The following GTF2B variants were observed in gnomAD, a reference collection of about 807,000 sequenced individuals.
GTF2B encodes the protein general transcription factor IIB, also known as transcription initiation factor IIB.
Under a neutral mutation model 34.6 loss-of-function variants are expected in GTF2B, and 20 were observed. The observed-to-expected ratio is 0.58, with a 90% CI of 0.41 to 0.84. The LOEUF (loss-of-function observed/expected upper bound fraction) is 0.84, where lower values mean the gene tolerates loss of function less well. GTF2B is among the 40% of genes least tolerant of loss of function. The pLI, the probability that GTF2B is intolerant of heterozygous loss-of-function variation, is 0.00. For missense variants in GTF2B, 237 were observed against 393.3 expected (o/e 0.60, Z 3.36); for synonymous variants, 142 against 132.4 (o/e 1.07, Z -0.50).
chr1:88,873,335 G>A (rs543333041), intron 2 of GTF2B, among the ~76,000 whole-genome samples: 24 of 151,816 alleles, frequency 1.6e-4, no homozygotes, highest in East Asian at 9.7e-4. Flanking sequence ...GATAACAGGC[G>A]CGCACCACCA....
In GTF2B at chr1:88,890,111, C is replaced by T. The variant is rs561565440; in HGVS notation, c.17+1372G>A. 8.0e-5 allele frequency among the ~76,000 whole-genome samples: 12 copies of T among 149,998 alleles called. No individual in the cohort carries two copies. In the East Asian group the frequency reaches 1.4e-3, roughly 17 times the overall value. On this transcript the variant is annotated intron_variant, in intron 1 of 6. Transcript: ENST00000370500. ...AATAACTGCTATGATACATAAATTG[C>T]ACATATCTAGAAAAAAATTTCAGAC...
intron 2 of GTF2B, among the ~76,000 whole-genome samples, chr1:88,868,475 TA>T (rs2100969779): frequency 1.3e-5 from 2 of 152,096 alleles, no homozygotes; most frequent in Non-Finnish European, 2.9e-5. Flanking sequence ...TCCAAAAGAG[TA>T]AACGCACCCA....
chr1:88,853,346 T>C lies in GTF2B; in HGVS notation c.818A>G (p.Glu273Gly). Residue 273 changes from glutamate to glycine, a missense_variant and splice_region_variant, in exon 7 of 7, where the codon GAA becomes GGA. Physicochemically the swap from Glu to Gly is moderately conservative, Grantham distance 98 (BLOSUM62 -2). This residue lies in a region of GTF2B where 78 missense variants were observed against 116.6 expected (regional missense o/e 0.67). Coordinates refer to ENST00000370500, the MANE Select transcript of GTF2B (RefSeq NM_001514.6). ...QASAEKRTQK[E>G]IGDIAGVADV... is the part of the protein sequence containing the mutation. ...AGCAACACCAGCAATATCTCCAATT[T>C]CTAAAAGACAAAAATCGAAACATTA... The C allele has an allele frequency of 1.2e-6, 2 of 1,612,160 alleles. No homozygotes were observed. Among genetic ancestry groups the C allele is most frequent in the Non-Finnish European group, 8.5e-7 (1 of 1,178,450 alleles).
chr1:88,857,156 C>T (rs910145866), intron 6 of GTF2B, 50 bp downstream of exon 6: 1 of 1,516,964 alleles, frequency 6.6e-7, no homozygotes, highest in Admixed American at 2.0e-5. Flanking sequence ...AAAACAATCA[C>T]ATGCTGCAAA....
At chr1:88,876,230 A>G (rs1394315551) in intron 2 of GTF2B, among the ~76,000 whole-genome samples, 1 of 152,258 alleles carries the variant, frequency 6.6e-6, no homozygotes, top group Non-Finnish European at 1.5e-5. Flanking sequence ...GCTAACTGAA[A>G]GAGGGTAACC....
At chr1:88,865,840 C>CA (rs367626789) in intron 2 of GTF2B, among the ~76,000 whole-genome samples, 8,596 of 139,778 alleles carry the variant, frequency 0.061, 558 homozygotes, top group African/African-American at 0.17. Flanking sequence ...AACTCCATCT[C>CA]AAAAAAAAAA....
In GTF2B at chr1:88,882,859, A is replaced by G. The variant is rs139885085; in HGVS notation, c.124+4402T>C. Among the ~76,000 whole-genome samples the G allele has an allele frequency of 5.2e-4, 79 of 152,370 alleles. 1 individual carries two copies. The East Asian group carries it at 0.014, about 28-fold the overall frequency. On this transcript the variant is annotated intron_variant, in intron 2 of 6. Coordinates refer to ENST00000370500, the MANE Select transcript of GTF2B (RefSeq NM_001514.6). ...GCCTTTTAACATACTGTTACACTGCAGATTAGTCACTACCAACTGAAGGTT... is the reference window on the plus strand; with the variant it reads ...GCCTTTTAACATACTGTTACACTGCGGATTAGTCACTACCAACTGAAGGTT...
intron 2 of GTF2B, among the ~76,000 whole-genome samples, chr1:88,875,676 T>C (rs1673800326): frequency 6.6e-6 from 1 of 152,230 alleles, no homozygotes; most frequent in Non-Finnish European, 1.5e-5. Flanking sequence ...TCAACAGTAC[T>C]ATCTTCAGGA....
At chr1:88,876,779 G>GT in intron 2 of GTF2B, among the ~76,000 whole-genome samples, 3 of 152,308 alleles carry the variant, frequency 2.0e-5, no homozygotes, top group Admixed American at 2.0e-4. Flanking sequence ...ATTCTGAGAT[G>GT]TATCTGTCTT....
At chr1:88,876,129 T>C (rs1321731277) in intron 2 of GTF2B, among the ~76,000 whole-genome samples, 2 of 152,208 alleles carry the variant, frequency 1.3e-5, no homozygotes, top group Non-Finnish European at 2.9e-5. Context: ...AAGAAATAAC[T>C]TGTAAGTGAA....
chr1:88,872,228 C>T (rs141161267), intron 2 of GTF2B, among the ~76,000 whole-genome samples: 28 of 151,738 alleles, frequency 1.8e-4, no homozygotes, highest in African/African-American at 5.1e-4. Flanking sequence ...CCAAGGTGGG[C>T]GGATCACCTG....
intron 1 of GTF2B, among the ~76,000 whole-genome samples, chr1:88,889,536 C>A (rs1674152095): frequency 6.6e-6 from 1 of 152,186 alleles, no homozygotes; most frequent in Non-Finnish European, 1.5e-5. Flanking sequence ...AACAATCCTG[C>A]AAGAAAGGCA....
At chr1:88,876,093 T>C (rs1223492413) in intron 2 of GTF2B, among the ~76,000 whole-genome samples, 1 of 152,206 alleles carries the variant, frequency 6.6e-6, no homozygotes, top group Non-Finnish European at 1.5e-5. Flanking sequence ...AAGAAGGCTG[T>C]GTCTAACGGC....
chr1:88,871,935 G>T (rs1228541520), intron 2 of GTF2B, among the ~76,000 whole-genome samples: 1 of 151,852 alleles, frequency 6.6e-6, no homozygotes, highest in Non-Finnish European at 1.5e-5. Flanking sequence ...GTTTCACCAC[G>T]TTGGCCAGGC....
intron 2 of GTF2B, among the ~76,000 whole-genome samples, chr1:88,878,570 G>A (rs895625759): frequency 6.6e-6 from 1 of 152,192 alleles, no homozygotes; most frequent in African/African-American, 2.4e-5. Flanking sequence ...ATTTTCCAAA[G>A]ATGGCAACAA....
intron 2 of GTF2B, among the ~76,000 whole-genome samples, chr1:88,886,214 A>G (rs1446624584): frequency 6.6e-6 from 1 of 152,248 alleles, no homozygotes; most frequent in Non-Finnish European, 1.5e-5. Context: ...GTCTGAGGCA[A>G]GCAGCCTTCT....
chr1:88,885,785 AAATTTG>A (rs1311581913), intron 2 of GTF2B, among the ~76,000 whole-genome samples: 1 of 152,176 alleles, frequency 6.6e-6, no homozygotes, highest in African/African-American at 2.4e-5. Context: ...ATAGATACTG[AAATTTG>A]TATTTTCACA....
intron 5 of GTF2B, 24 bp downstream of exon 5, chr1:88,859,858 A>T: frequency 6.2e-7 from 1 of 1,603,330 alleles, no homozygotes; most frequent in Non-Finnish European, 8.5e-7. Flanking sequence ...AAACAAACAC[A>T]AAAAAACAAA....
chr1:88,880,764 T>C lies in GTF2B; in HGVS notation c.124+6497A>G, dbSNP rs950575685. Among the ~76,000 whole-genome samples the C allele has an allele frequency of 2.8e-4, 42 of 152,240 alleles. 1 individual carries two copies. The highest frequency in any genetic ancestry group is 5.7e-4 in the Non-Finnish European group (39 of 68,018). On this transcript the variant is annotated intron_variant, in intron 2 of 6. Transcript: ENST00000370500. Reference sequence around the variant, plus strand: ...GCTCACACCTGTAATCCCAGTACTTTGGGAGGCCGAGGCTGGGGGTATCTC... The same window carrying C: ...GCTCACACCTGTAATCCCAGTACTTCGGGAGGCCGAGGCTGGGGGTATCTC...
Sources: gnomAD v4.1 joint callset for allele counts (sites outside exome capture counted in the v4.1 genomes callset) on GRCh38, gnomAD v4.1.1 for gene constraint, gnomAD v4.1.1 regional missense constraint, MANE v1.5 for transcripts, NCBI Gene and HGNC (gene_info 2026-07-23, HGNC 2026-07-21) for gene names.